Variants in SLC44A5 observed in about 807,000 individuals in gnomAD.
The protein encoded by SLC44A5 is choline transporter-like protein 5.
Under a neutral mutation model 101.8 loss-of-function variants are expected in SLC44A5, and 57 were observed. The ratio of observed to expected loss-of-function variants is 0.56; its 90% CI spans 0.45 to 0.70. The LOEUF is 0.70. SLC44A5 is among the 30% of genes least tolerant of loss of function. The pLI, the probability that SLC44A5 is intolerant of heterozygous loss-of-function variation, is 0.00. For missense variants in SLC44A5, 737 were observed against 853.1 expected (o/e 0.86, Z 1.70); for synonymous variants, 281 against 290.9 (o/e 0.97, Z 0.35).
intron 3 of SLC44A5, among the ~76,000 whole-genome samples, chr1:75,352,558 T>A (rs1428139706): frequency 6.6e-6 from 1 of 152,066 alleles, no homozygotes; most frequent in African/African-American, 2.4e-5. Context: ...CATTAGCAAT[T>A]AGGAAGATAT....
the SLC44A5 span, among the ~76,000 whole-genome samples, chr1:75,647,641 C>T: frequency 1.6e-4 from 24 of 152,210 alleles, no homozygotes; most frequent in Non-Finnish European, 2.9e-4. Flanking sequence ...TGGGAGCCCA[C>T]CTCTTGCATC....
intron 2 of SLC44A5, among the ~76,000 whole-genome samples, chr1:75,399,154 T>C (rs1468926090): frequency 5.9e-5 from 9 of 151,974 alleles, no homozygotes; most frequent in East Asian, 1.9e-4. Flanking sequence ...CTGCTCCTAT[T>C]GTGTCATCCT....
At chr1:75,583,643 A>G (rs1395780447) in intron 1 of SLC44A5, among the ~76,000 whole-genome samples, 7 of 152,226 alleles carry the variant, frequency 4.6e-5, no homozygotes, top group African/African-American at 1.4e-4. Flanking sequence ...CAAATTATGG[A>G]GAGTCACATG....
At chr1:75,277,737 A>T (rs902513190) in intron 5 of SLC44A5, among the ~76,000 whole-genome samples, 2 of 151,842 alleles carry the variant, frequency 1.3e-5, no homozygotes, top group Non-Finnish European at 2.9e-5. Flanking sequence ...GATAAAGGAG[A>T]GAGAGATGAA....
the SLC44A5 span, among the ~76,000 whole-genome samples, chr1:75,700,785 G>A: frequency 6.6e-6 from 1 of 152,028 alleles, no homozygotes; most frequent in Non-Finnish European, 1.5e-5. Context: ...AGAAAAGAGA[G>A]AAGAATCAAA....
chr1:75,467,796 C>G (rs1046632205), intron 2 of SLC44A5, among the ~76,000 whole-genome samples: 1 of 152,040 alleles, frequency 6.6e-6, no homozygotes, highest in Non-Finnish European at 1.5e-5. Context: ...AGTAATACCC[C>G]ACAAGTGCAG....
At chr1:75,562,243 T>C (rs1672558067) in intron 1 of SLC44A5, among the ~76,000 whole-genome samples, 1 of 152,164 alleles carries the variant, frequency 6.6e-6, no homozygotes, top group South Asian at 2.1e-4. Context: ...TGAATTTTTT[T>C]CTACCCCAGA....
chr1:75,220,941 CCT>C (rs906818437), intron 14 of SLC44A5, among the ~76,000 whole-genome samples: 1 of 152,106 alleles, frequency 6.6e-6, no homozygotes, highest in Non-Finnish European at 1.5e-5. Context: ...CTTATTACCC[CCT>C]GAGCAAACTA....
At chr1:75,459,670 C>T (rs537196868) in intron 2 of SLC44A5, among the ~76,000 whole-genome samples, 1 of 152,236 alleles carries the variant, frequency 6.6e-6, no homozygotes, top group South Asian at 2.1e-4. Context: ...GAATATCTTT[C>T]CTTTGAAACC....
At chr1:75,528,987 T>C (rs1181149166) in intron 2 of SLC44A5, among the ~76,000 whole-genome samples, 1 of 152,210 alleles carries the variant, frequency 6.6e-6, no homozygotes, top group Non-Finnish European at 1.5e-5. Flanking sequence ...TAGTTCATTG[T>C]ATTTCTCCTA....
the SLC44A5 span, chr1:75,642,173 C>T: frequency 1.5e-6 from 1 of 669,694 alleles, no homozygotes; most frequent in South Asian, 2.0e-5. Flanking sequence ...AAAGCATTCT[C>T]CTTATGTTAG....
chr1:75,393,487 A>G (rs1415434165), intron 3 of SLC44A5, among the ~76,000 whole-genome samples: 1 of 152,210 alleles, frequency 6.6e-6, no homozygotes, highest in African/African-American at 2.4e-5. Flanking sequence ...TTATAAATAA[A>G]GATTTTGACA....
chr1:75,228,472 A>G (rs182677438), intron 12 of SLC44A5, among the ~76,000 whole-genome samples: 67 of 152,236 alleles, frequency 4.4e-4, no homozygotes, highest in South Asian at 8.3e-4. Context: ...AATAATTTAT[A>G]GCTCCAATTT....
chr1:75,488,779 T>C (rs1668287340), intron 2 of SLC44A5, among the ~76,000 whole-genome samples: 1 of 152,264 alleles, frequency 6.6e-6, no homozygotes, highest in Non-Finnish European at 1.5e-5. Flanking sequence ...ATAATTTATA[T>C]GTTCTGTGGT....
intron 22 of SLC44A5, among the ~76,000 whole-genome samples, chr1:75,211,814 C>CTTT (rs1553140825): frequency 6.8e-6 from 1 of 146,668 alleles, no homozygotes; most frequent in African/African-American, 2.5e-5. Context: ...TTCCTTTCCC[C>CTTT]TTTCTTTTCT....
chr1:75,666,414 C>T, the SLC44A5 span, among the ~76,000 whole-genome samples: 1 of 152,158 alleles, frequency 6.6e-6, no homozygotes, highest in South Asian at 2.1e-4. Context: ...CTGAATAGAC[C>T]AATAACATGT....
At chr1:75,557,698 T>C (rs113802364) in intron 1 of SLC44A5, among the ~76,000 whole-genome samples, 37 of 152,260 alleles carry the variant, frequency 2.4e-4, no homozygotes, top group African/African-American at 8.9e-4. Flanking sequence ...ACTATGAGAT[T>C]AAGCCTATAC....
At chr1:75,320,167 A>G (rs1656034565) in intron 4 of SLC44A5, among the ~76,000 whole-genome samples, 1 of 152,160 alleles carries the variant, frequency 6.6e-6, no homozygotes, top group Non-Finnish European at 1.5e-5. Context: ...AGAAGCGTAC[A>G]TTTAAATTTA....
the SLC44A5 span, among the ~76,000 whole-genome samples, chr1:75,704,281 A>T: frequency 6.6e-6 from 1 of 152,176 alleles, no homozygotes; most frequent in African/African-American, 2.4e-5. Flanking sequence ...AATTCATTTA[A>T]ACATACATTA....
Sources: allele counts gnomAD v4.1 joint callset (sites outside exome capture counted in the v4.1 genomes callset), GRCh38; gene constraint gnomAD v4.1.1; transcripts MANE v1.5; gene names NCBI Gene and HGNC (gene_info 2026-07-23, HGNC 2026-07-21).